The following TNNC2 variants were observed in gnomAD, a reference collection of about 807,000 sequenced individuals.
TNNC2 encodes the protein troponin C2, fast skeletal type.
TNNC2 carries 14 observed loss-of-function variants against 20.0 expected under a neutral mutation model. The observed-to-expected ratio is 0.70, with a 90% CI of 0.46 to 1.09. The LOEUF (loss-of-function observed/expected upper bound fraction) is 1.09. Among genes scored for constraint, TNNC2 ranks in the 50% least tolerant of loss-of-function variants. The pLI is 0.00. For missense variants in TNNC2, 163 were observed against 223.8 expected, an observed-to-expected ratio of 0.73 and a Z score of 1.73; for synonymous variants, 81 against 77.3, an observed-to-expected ratio of 1.05 and a Z score of -0.25.
At position 45,823,471 on chromosome 20, in the gene TNNC2, G is replaced by T; in HGVS notation, c.452-92C>A. The T allele has an allele frequency of 7.8e-7, 1 of 1,280,092 alleles. No individual in the cohort carries two copies. The highest frequency in any genetic ancestry group is 1.1e-6 in the Non-Finnish European group (1 of 928,650). 79.3% of individuals were successfully genotyped at this position (1,280,092 alleles called of 1,614,324 possible). The stretch of plus-strand genomic sequence containing the variant: ...AGCCACACAGAGGGGATGACTTTTT[G>T]TTTTTGTTTTTGTTGAGACAGAGTC... On this transcript the variant is annotated intron_variant, in intron 5 of 5. Transcript: ENST00000372555. The surrounding 1 kb of genome is among the most constrained non-coding windows in gnomAD (Gnocchi z 4.6).
chr20:45,832,524 A>G (rs1307248371), intron 2 of TNNC2, among the ~76,000 whole-genome samples: 1 of 152,184 alleles, frequency 6.6e-6, no homozygotes, highest in Non-Finnish European at 1.5e-5. Context: ...GGATGTAGAA[A>G]GTGGACCCTC....
intron 1 of TNNC2, among the ~76,000 whole-genome samples, chr20:45,825,440 C>T (rs1310887578): frequency 1.3e-5 from 2 of 151,782 alleles, no homozygotes; most frequent in Admixed American, 6.6e-5. Flanking sequence ...TACAGGCATG[C>T]GCCAACACGC....
At chr20:45,827,375 C>T, upstream of TNNC2, 1 of 1,272,968 alleles carries the variant, frequency 7.9e-7, no homozygotes, top group Non-Finnish European at 1.1e-6. Flanking sequence ...CTCCCTGCTC[C>T]CCAGCACTGG....
intron 1 of TNNC2, among the ~76,000 whole-genome samples, chr20:45,826,767 G>GC (rs2145728078): frequency 6.6e-6 from 1 of 152,264 alleles, no homozygotes; most frequent in African/African-American, 2.4e-5. Flanking sequence ...GTCATCTTCT[G>GC]CCCCTTCCCA....
intron 2 of TNNC2, 37 bp from the exon 3 acceptor site, chr20:45,824,675 T>C: frequency 1.2e-6 from 2 of 1,606,116 alleles, no homozygotes; most frequent in Non-Finnish European, 8.5e-7. Flanking sequence ...TGAGGCCTGC[T>C]GGACTGTCAG....
In TNNC2 at chr20:45,827,245, C is replaced by T. The variant is rs113868891; in HGVS notation, c.3+1G>A. On this transcript the variant is annotated splice_donor_variant, in intron 1 of 5. Transcript: ENST00000372555. LOFTEE classifies it high-confidence loss of function. ...GGCACAAAGTCCCCTCTTGTCCTTA[C>T]CATGGTTGCTGGTGACCGGGACTCC... is the stretch of plus-strand genomic sequence containing the variant. 6.2e-7 allele frequency: 1 copy of T among 1,614,018 alleles called. No individual in the cohort carries two copies. The highest frequency in any genetic ancestry group is 1.3e-5 in the African/African-American group (1 of 74,900).
At chr20:45,832,839 G>A (rs557848728) in intron 2 of TNNC2, among the ~76,000 whole-genome samples, 51 of 152,356 alleles carry the variant, frequency 3.3e-4, no homozygotes, top group African/African-American at 1.1e-3. Context: ...CTGCTGCACA[G>A]GAAAAGGGCA....
At chr20:45,829,822 G>C (rs1261001912), upstream of TNNC2, among the ~76,000 whole-genome samples, 1 of 150,742 alleles carries the variant, frequency 6.6e-6, no homozygotes, top group Non-Finnish European at 1.5e-5. Flanking sequence ...GGCCAGGCTG[G>C]TCTCAAACTC....
chr20:45,824,377 A>C lies in TNNC2; in HGVS notation c.229T>G (p.Leu77Val). Reference protein sequence around the residue: ...GSGTIDFEEFLVMMVRQMKED... With the variant: ...GSGTIDFEEFVVMMVRQMKED... The stretch of plus-strand genomic sequence containing the variant: ...TTCATCTGGCGCACCATCATGACCA[A>C]GAACTCCTCGAAGTCGATGGTGCCG... The change falls in exon 4 of 6, where the codon TTG (leucine) becomes GTG (valine). Residue 77 changes from leucine (L) to valine (V), a missense_variant. Transcript: ENST00000372555. 6.2e-7 allele frequency: 1 copy of C among 1,610,968 alleles called. No homozygotes were observed.
chr20:45,824,536 T>G lies in TNNC2; in HGVS notation c.158A>C (p.Lys53Thr). 1 of 1,613,654 alleles carries G rather than the reference T, an allele frequency of 6.2e-7. No homozygotes were observed. Among genetic ancestry groups the G allele is most frequent in the African/African-American group, 1.3e-5 (1 of 75,026 alleles). ...VMRMLGQTPT[K>T]EELDAIIEEV... ...CTCGATGATGGCGTCCAGCTCCTCC[T>G]TGGTGGGTGTCTGGCCCAGCATCCT... Residue 53 changes from lysine (K) to threonine (T), a missense_variant, in exon 3 of 6, where the codon AAG becomes ACG. Physicochemically the swap from Lys to Thr is moderately conservative, Grantham distance 78. Transcript: ENST00000372555.
chr20:45,829,421 C>A (rs1983057104), upstream of TNNC2, among the ~76,000 whole-genome samples: 1 of 151,962 alleles, frequency 6.6e-6, no homozygotes, highest in African/African-American at 2.4e-5. Context: ...ACCTCAGCCT[C>A]CCAAAGCACT....
chr20:45,829,522 G>A (rs1367939797), upstream of TNNC2, among the ~76,000 whole-genome samples: 2 of 151,602 alleles, frequency 1.3e-5, no homozygotes, highest in African/African-American at 4.8e-5. Context: ...GCTCAGGCCT[G>A]TAATCCCACC....
In TNNC2 at chr20:45,823,278, G is replaced by C; in HGVS notation, c.*70C>G. On this transcript the variant is annotated 3_prime_UTR_variant, in exon 6 of 6. Coordinates refer to ENST00000372555, the MANE Select transcript of TNNC2 (RefSeq NM_003279.3). This position sits in a 1 kb window ranked among gnomAD's most constrained non-coding sequence, Gnocchi z 4.6. ...CACAAGGGGTCGCGCCTCCCTGGTG[G>C]GGACCCGGCAGGGCGGAGTCTCCCA... 1 of 1,444,324 alleles carries C rather than the reference G, an allele frequency of 6.9e-7. No individual in the cohort carries two copies. Among genetic ancestry groups the C allele is most frequent in the Non-Finnish European group, 9.3e-7 (1 of 1,076,638 alleles). 89.5% of individuals were successfully genotyped at this position (1,444,324 alleles called of 1,614,324 possible). A position where few individuals can be genotyped will look rare whatever the true frequency, so the allele number is the denominator to read the frequency against.
chr20:45,828,181 G>A (rs1409724895), upstream of TNNC2, among the ~76,000 whole-genome samples: 1 of 147,154 alleles, frequency 6.8e-6, no homozygotes, highest in Admixed American at 6.9e-5. Context: ...GACTAGAGGT[G>A]CACCACCACC....
Position 45,823,319 on chromosome 20 carries a change from C to T in TNNC2, c.*29G>A, listed in dbSNP as rs754831546. Reference sequence around the variant, plus strand: ...GAGTCTCCCACACCCTAGGGACACGCGATCTTGGTAGAGGCGACTGTCCAC... The same window carrying T: ...GAGTCTCCCACACCCTAGGGACACGTGATCTTGGTAGAGGCGACTGTCCAC... On this transcript the variant is annotated 3_prime_UTR_variant, in exon 6 of 6. Coordinates refer to ENST00000372555, the MANE Select transcript of TNNC2 (RefSeq NM_003279.3). The surrounding 1 kb of genome is among the most constrained non-coding windows in gnomAD (Gnocchi z 4.6). The T allele has an allele frequency of 3.2e-6, 5 of 1,570,244 alleles. No homozygotes were observed. In the South Asian group the frequency reaches 3.5e-5, roughly 11 times the overall value.
At chr20:45,824,707 A>AC in intron 2 of TNNC2, 69 bp from the exon 3 acceptor site, 7 of 870,702 alleles carry the variant, frequency 8.0e-6, no homozygotes, top group South Asian at 4.7e-5. Flanking sequence ...CCCCCCCCCA[A>AC]CCCCCACCCT....
chr20:45,824,084 A>G lies in TNNC2; in HGVS notation c.358T>C (p.Phe120Leu). 3 of 1,614,108 alleles carry G rather than the reference A, an allele frequency of 1.9e-6. No individual in the cohort carries two copies. Among genetic ancestry groups the G allele is most frequent in the Non-Finnish European group, 2.5e-6 (3 of 1,180,002 alleles). Residue 120 changes from phenylalanine (F) to leucine (L), a missense_variant, in exon 5 of 6, where the codon TTC (phenylalanine) becomes CTC (leucine). Coordinates refer to ENST00000372555, the MANE Select transcript of TNNC2 (RefSeq NM_003279.3). ...YIDPEELAEI[F>L]RASGEHVTDE... ...GTCACGTGCTCCCCGGAGGCCCTGAAAATCTCAGCCAGCTCCTCCGGGTCG... is the reference window on the plus strand; with the variant it reads ...GTCACGTGCTCCCCGGAGGCCCTGAGAATCTCAGCCAGCTCCTCCGGGTCG...
At chr20:45,832,372 C>T (rs1983136518) in intron 2 of TNNC2, among the ~76,000 whole-genome samples, 1 of 152,150 alleles carries the variant, frequency 6.6e-6, no homozygotes, top group African/African-American at 2.4e-5. Flanking sequence ...AAATCCCAGC[C>T]CCTCTATTTC....
chr20:45,831,613 TAA>T (rs1983109029), upstream of TNNC2, among the ~76,000 whole-genome samples: 1 of 150,426 alleles, frequency 6.6e-6, no homozygotes, highest in Non-Finnish European at 1.5e-5. Context: ...TCAAAAAAAA[TAA>T]AATAAATAAA....
Sources: allele counts gnomAD v4.1 joint callset (sites outside exome capture counted in the v4.1 genomes callset), GRCh38; gene constraint gnomAD v4.1.1; non-coding constraint Gnocchi (gnomAD v3.1); transcripts MANE v1.5; gene names NCBI Gene and HGNC (gene_info 2026-07-23, HGNC 2026-07-21).